RGS6: variants seen among roughly 807,000 people sequenced by gnomAD.
The protein encoded by RGS6 is regulator of G-protein signaling 6.
A neutral mutation model predicts 78.5 loss-of-function variants in RGS6; 30 were observed. That is an observed-to-expected ratio of 0.38 (90% confidence interval 0.29 to 0.52). The LOEUF (loss-of-function observed/expected upper bound fraction) is 0.52. Among genes scored for constraint, RGS6 ranks in the 20% least tolerant of loss-of-function variants. RGS6 has a pLI of 0.85. For missense variants in RGS6, 495 were observed against 609.7 expected (o/e 0.81, Z 1.98); for synonymous variants, 206 against 206.0 (o/e 1.00, Z 0.00).
chr14:72,256,915 T>C (rs955225418), intron 2 of RGS6, among the ~76,000 whole-genome samples: 5 of 152,176 alleles, frequency 3.3e-5, no homozygotes, highest in Non-Finnish European at 7.3e-5. Flanking sequence ...GATGTTGAGA[T>C]TGGGGCTAGG....
chr14:72,102,653 T>A (rs945979558), intron 2 of RGS6, among the ~76,000 whole-genome samples: 3 of 152,180 alleles, frequency 2.0e-5, no homozygotes, highest in Admixed American at 6.5e-5. Context: ...CTTTCCTTGG[T>A]CTAAAGGCCA....
chr14:72,427,381 T>G (rs889922075), intron 3 of RGS6, among the ~76,000 whole-genome samples: 1 of 152,206 alleles, frequency 6.6e-6, no homozygotes, highest in African/African-American at 2.4e-5. Flanking sequence ...CTGTTGTAGG[T>G]ATCCACTGGG....
chr14:72,380,541 A>G (rs977819053), intron 3 of RGS6, among the ~76,000 whole-genome samples: 1 of 152,162 alleles, frequency 6.6e-6, no homozygotes, highest in Non-Finnish European at 1.5e-5. Flanking sequence ...AAAAGAAGAC[A>G]TACAAGTGAC....
At chr14:72,310,552 C>G (rs555577128) in intron 2 of RGS6, among the ~76,000 whole-genome samples, 1 of 152,296 alleles carries the variant, frequency 6.6e-6, no homozygotes, top group South Asian at 2.1e-4. Flanking sequence ...AGAAAAGAAA[C>G]TGATTCTCTC....
At chr14:72,625,671 T>G in the RGS6 span, among the ~76,000 whole-genome samples, 1 of 152,344 alleles carries the variant, frequency 6.6e-6, no homozygotes, top group Admixed American at 6.5e-5. Context: ...TAGGTACACA[T>G]GCATACATCT....
intron 1 of RGS6, among the ~76,000 whole-genome samples, chr14:71,961,566 G>C (rs1333171478): frequency 1.3e-5 from 2 of 152,198 alleles, no homozygotes; most frequent in Non-Finnish European, 2.9e-5. Flanking sequence ...CCTGGATTTG[G>C]ACATGGATCT....
chr14:72,009,364 AACAG>A lies in RGS6; in HGVS notation c.84+44493_84+44496del, dbSNP rs113322854. Among the ~76,000 whole-genome samples, 160 of 152,258 alleles carry A rather than the reference AACAG, an allele frequency of 1.1e-3. 1 individual carries two copies. The highest frequency in any genetic ancestry group is 3.5e-3 in the African/African-American group (147 of 41,544). ...CCCCCCACCCCAAACTCTAAAAAAA[AACAG>A]ACAAAAACATTGAGCACTAAGTCTG... On this transcript the variant is annotated intron_variant, in intron 2 of 17. Coordinates refer to ENST00000553525, the MANE Select transcript of RGS6 (RefSeq NM_001204424.2).
the RGS6 span, among the ~76,000 whole-genome samples, chr14:72,587,594 G>T: frequency 6.6e-6 from 1 of 152,144 alleles, no homozygotes; most frequent in Non-Finnish European, 1.5e-5. Context: ...GGCCTGAAGA[G>T]TCTCCTTGGA....
intron 2 of RGS6, among the ~76,000 whole-genome samples, chr14:72,306,153 C>T (rs1417886693): frequency 6.6e-6 from 1 of 152,134 alleles, no homozygotes; most frequent in Non-Finnish European, 1.5e-5. Flanking sequence ...TGCCTGTGCC[C>T]TAAAAATGGA....
In RGS6 at chr14:72,413,585, A is replaced by G. The variant is rs577464976; in HGVS notation, c.185-40943A>G. Among the ~76,000 whole-genome samples, 75 of 152,242 alleles carry G rather than the reference A, an allele frequency of 4.9e-4. 1 individual carries two copies. Among genetic ancestry groups the G allele is most frequent in the Admixed American group, 9.8e-4 (15 of 15,288 alleles). ...ATTTACATTTAAGGTTAATATTGTT[A>G]TGTGTGAATTTGATCCTGTTATTAT... On this transcript the variant is annotated intron_variant, in intron 3 of 17. Coordinates refer to ENST00000553525, the MANE Select transcript of RGS6 (RefSeq NM_001204424.2).
intron 2 of RGS6, among the ~76,000 whole-genome samples, chr14:72,141,171 T>G (rs1256767203): frequency 6.6e-6 from 1 of 152,172 alleles, no homozygotes; most frequent in Non-Finnish European, 1.5e-5. Flanking sequence ...CACCTGGAGT[T>G]TCTGGGGCCA....
chr14:72,063,167 A>G (rs2093976160), intron 2 of RGS6, among the ~76,000 whole-genome samples: 1 of 152,136 alleles, frequency 6.6e-6, no homozygotes, highest in South Asian at 2.1e-4. Flanking sequence ...AGGAGAAAAG[A>G]TGTTGAAGAA....
intron 2 of RGS6, among the ~76,000 whole-genome samples, chr14:72,123,875 CTG>C (rs1348417222): frequency 6.6e-6 from 1 of 152,210 alleles, no homozygotes; most frequent in Non-Finnish European, 1.5e-5. Flanking sequence ...CTCCACTTGA[CTG>C]TATCACAGCT....
intron 3 of RGS6, among the ~76,000 whole-genome samples, chr14:72,364,511 AACCAGCAGAT>A (rs1179405108): frequency 1.3e-5 from 2 of 152,192 alleles, no homozygotes; most frequent in Non-Finnish European, 2.9e-5. Context: ...TCCCATCACA[AACCAGCAGAT>A]ACCAGCAGAT....
At chr14:71,982,577 C>T (rs1326653233) in intron 2 of RGS6, among the ~76,000 whole-genome samples, 1 of 152,176 alleles carries the variant, frequency 6.6e-6, no homozygotes. Flanking sequence ...AACCAAAACC[C>T]TGGGTGCCCC....
chr14:72,588,655 G>A, the RGS6 span, among the ~76,000 whole-genome samples: 8 of 152,140 alleles, frequency 5.3e-5, no homozygotes, highest in Non-Finnish European at 1.5e-5. Flanking sequence ...CTGGCCTGGA[G>A]CCATTTTGAC....
intron 2 of RGS6, among the ~76,000 whole-genome samples, chr14:72,127,927 A>G (rs1270318237): frequency 2.4e-5 from 3 of 126,060 alleles, no homozygotes; most frequent in African/African-American, 7.9e-5. Context: ...TATAATATGT[A>G]ACCTTTGAGA....
intron 2 of RGS6, among the ~76,000 whole-genome samples, chr14:72,275,853 A>G (rs2060585546): frequency 6.6e-6 from 1 of 152,222 alleles, no homozygotes; most frequent in Admixed American, 6.5e-5. Context: ...TCTACTTCCC[A>G]TGAGCAGCTT....
intron 2 of RGS6, among the ~76,000 whole-genome samples, chr14:72,234,526 C>T (rs890689895): frequency 6.6e-6 from 1 of 152,144 alleles, no homozygotes; most frequent in South Asian, 2.1e-4. Context: ...GGTTGCTTAT[C>T]AGCATGAAAC....
Sources: gnomAD v4.1 joint callset for allele counts (sites outside exome capture counted in the v4.1 genomes callset) on GRCh38, gnomAD v4.1.1 for gene constraint, MANE v1.5 for transcripts, NCBI Gene and HGNC (gene_info 2026-07-23, HGNC 2026-07-21) for gene names.